The following CPXM2 variants were observed in gnomAD, a reference collection of about 807,000 sequenced individuals.
CPXM2 encodes carboxypeptidase X, M14 family member 2, also known as inactive carboxypeptidase-like protein X2.
CPXM2 carries 66 observed loss-of-function variants against 86.1 expected under a neutral mutation model. The ratio of observed to expected loss-of-function variants is 0.77; its 90% CI spans 0.63 to 0.94. CPXM2 has a LOEUF of 0.94. Ranked by LOEUF, CPXM2 falls within the 40% of genes least tolerant of loss-of-function variation. The pLI is 0.00. For missense variants in CPXM2, 948 were observed against 1,026.3 expected, an observed-to-expected ratio of 0.92 and a Z score of 1.04; for synonymous variants, 388 against 400.2, an observed-to-expected ratio of 0.97 and a Z score of 0.36.
intron 4 of CPXM2, among the ~76,000 whole-genome samples, chr10:123,820,214 G>T (rs1445114044): frequency 6.6e-6 from 1 of 151,972 alleles, no homozygotes; most frequent in African/African-American, 2.4e-5. Flanking sequence ...TCTTAGTTCT[G>T]CCCCTCTAGA....
intron 4 of CPXM2, among the ~76,000 whole-genome samples, chr10:123,817,479 T>C (rs892632803): frequency 6.6e-6 from 1 of 152,148 alleles, no homozygotes; most frequent in African/African-American, 2.4e-5. Flanking sequence ...AACTGAACAT[T>C]TGTCTATGGG....
intron 7 of CPXM2, chr10:123,777,504 C>T (rs957919879): frequency 1.3e-5 from 2 of 151,114 alleles, no homozygotes; most frequent in Non-Finnish European, 2.9e-5. Flanking sequence ...GCCCGCCCTC[C>T]ATACAACTTC....
intron 2 of CPXM2, among the ~76,000 whole-genome samples, chr10:123,868,468 C>A (rs971387673): frequency 6.6e-6 from 1 of 152,144 alleles, no homozygotes; most frequent in Non-Finnish European, 1.5e-5. Context: ...GAGACAAGTA[C>A]TGTCTCGCAG....
chr10:123,836,669 CCT>C (rs1202291278), intron 4 of CPXM2, among the ~76,000 whole-genome samples: 3 of 152,206 alleles, frequency 2.0e-5, no homozygotes, highest in Non-Finnish European at 4.4e-5. Flanking sequence ...TGTCACATCC[CCT>C]GTCTGCAGAG....
intron 4 of CPXM2, among the ~76,000 whole-genome samples, chr10:123,829,133 T>C (rs1348855251): frequency 1.3e-5 from 2 of 152,198 alleles, no homozygotes; most frequent in Admixed American, 1.3e-4. Context: ...TCAACATCGC[T>C]AGCTATTAAA....
At chr10:123,890,245 G>C (rs986540549) in intron 1 of CPXM2, among the ~76,000 whole-genome samples, 5 of 152,264 alleles carry the variant, frequency 3.3e-5, no homozygotes, top group Non-Finnish European at 7.4e-5. Context: ...GGAAATTCTG[G>C]ATGTGTTCAG....
At chr10:123,886,186 A>G (rs1467881118) in intron 1 of CPXM2, among the ~76,000 whole-genome samples, 2 of 152,206 alleles carry the variant, frequency 1.3e-5, no homozygotes, top group Non-Finnish European at 2.9e-5. Context: ...ATAATTTGAC[A>G]TGAAGGATTG....
intron 1 of CPXM2, among the ~76,000 whole-genome samples, chr10:123,939,858 A>C (rs1945757871): frequency 6.6e-6 from 1 of 152,212 alleles, no homozygotes. Flanking sequence ...GCCCAAGTGC[A>C]GGAACCCCAT....
intron 2 of CPXM2, among the ~76,000 whole-genome samples, chr10:123,921,196 G>A (rs1945576610): frequency 6.6e-6 from 1 of 152,156 alleles, no homozygotes; most frequent in Non-Finnish European, 1.5e-5. Flanking sequence ...GTGTAAGAGA[G>A]TGCCCACCAG....
intron 2 of CPXM2, among the ~76,000 whole-genome samples, chr10:123,915,165 C>T (rs1945525320): frequency 6.6e-6 from 1 of 152,202 alleles, no homozygotes; most frequent in South Asian, 2.1e-4. Flanking sequence ...TGAAGGTCCT[C>T]GCCCTGCCCT....
intron 6 of CPXM2, among the ~76,000 whole-genome samples, chr10:123,791,210 T>G (rs1847199535): frequency 1.3e-5 from 2 of 152,098 alleles, no homozygotes; most frequent in African/African-American, 4.8e-5. Flanking sequence ...GGTCGGGGGT[T>G]CGAGACCAGC....
At chr10:123,925,133 G>A (rs1290181225) in intron 2 of CPXM2, among the ~76,000 whole-genome samples, 1 of 152,074 alleles carries the variant, frequency 6.6e-6, no homozygotes, top group African/African-American at 2.4e-5. Context: ...ATTCACAGAG[G>A]GGTGGGAAGG....
At chr10:123,914,198 C>A in intron 2 of CPXM2, 3 of 414,630 alleles carry the variant, frequency 7.2e-6, no homozygotes, top group Non-Finnish European at 1.5e-5. Context: ...CTCTGTGAAG[C>A]TAACCATGAG....
At chr10:123,860,497 C>T (rs1848826566) in intron 3 of CPXM2, among the ~76,000 whole-genome samples, 1 of 152,236 alleles carries the variant, frequency 6.6e-6, no homozygotes, top group Admixed American at 6.5e-5. Flanking sequence ...CCCGACCTTC[C>T]CATTCAACCC....
At chr10:123,922,498 GC>G (rs1945586454) in intron 2 of CPXM2, among the ~76,000 whole-genome samples, 1 of 152,184 alleles carries the variant, frequency 6.6e-6, no homozygotes, top group Non-Finnish European at 1.5e-5. Flanking sequence ...ATTCATTCAA[GC>G]AACACTGACT....
intron 2 of CPXM2, among the ~76,000 whole-genome samples, chr10:123,900,722 G>A (rs1001746736): frequency 2.6e-5 from 4 of 152,186 alleles, no homozygotes; most frequent in Non-Finnish European, 5.9e-5. Context: ...AAAAGATTAT[G>A]AGTCCAATGA....
At chr10:123,809,579 TATAG>T (rs1847649286) in intron 4 of CPXM2, among the ~76,000 whole-genome samples, 1 of 152,208 alleles carries the variant, frequency 6.6e-6, no homozygotes, top group African/African-American at 2.4e-5. Flanking sequence ...TATATACATA[TATAG>T]ATATAGATAA....
At chr10:123,879,171 T>A (rs1945041874) in intron 2 of CPXM2, among the ~76,000 whole-genome samples, 1 of 152,222 alleles carries the variant, frequency 6.6e-6, no homozygotes, top group African/African-American at 2.4e-5. Flanking sequence ...CTCTATGATT[T>A]CTTTGATGGC....
In CPXM2 at chr10:123,923,506, G is replaced by C. The variant is rs552735537; in HGVS notation, n.174+15971C>G. Among the ~76,000 whole-genome samples, 11 of 151,370 alleles carry C rather than the reference G, an allele frequency of 7.3e-5. No homozygotes were observed. The East Asian group carries it at 2.1e-3, about 30-fold the overall frequency. On this transcript the variant is annotated intron_variant and non_coding_transcript_variant, in intron 2 of 19. Coordinates refer to the CPXM2 transcript ENST00000368854. ...TGAGGCAGGAGAATGGCGTGAACCC[G>C]GGAGGCGGAGCTTGCAGTGAGCCGA... is the stretch of plus-strand genomic sequence containing the variant.
Sources: gnomAD v4.1 joint callset for allele counts (sites outside exome capture counted in the v4.1 genomes callset) on GRCh38, gnomAD v4.1.1 for gene constraint, MANE v1.5 for transcripts, NCBI Gene and HGNC (gene_info 2026-07-23, HGNC 2026-07-21) for gene names.